ST8SIA6: variants seen among roughly 807,000 people sequenced by gnomAD.
ST8SIA6 encodes the protein alpha-2,8-sialyltransferase 8F.
A neutral mutation model predicts 33.6 loss-of-function variants in ST8SIA6; 39 were observed. That is an observed-to-expected ratio of 1.16 (90% confidence interval 0.90 to 1.52). The LOEUF is 1.52. ST8SIA6 is among the 40% of genes most tolerant of loss of function. The pLI, the probability that ST8SIA6 is intolerant of heterozygous loss-of-function variation, is 0.00. For missense variants in ST8SIA6, 441 were observed against 443.8 expected (o/e 0.99, Z 0.06); for synonymous variants, 172 against 167.2 (o/e 1.03, Z -0.22).
intron 2 of ST8SIA6, among the ~76,000 whole-genome samples, chr10:17,406,018 T>C (rs545622370): frequency 4.5e-4 from 68 of 152,288 alleles, no homozygotes; most frequent in African/African-American, 1.6e-3. Context: ...TAAAAACACT[T>C]AGCACAGTCA....
chr10:17,346,928 C>T (rs1008707581), intron 4 of ST8SIA6, among the ~76,000 whole-genome samples: 1 of 152,198 alleles, frequency 6.6e-6, no homozygotes, highest in Non-Finnish European at 1.5e-5. Flanking sequence ...ATTGCAAGGG[C>T]TAGCACATCT....
At chr10:17,423,325 T>A (rs770926038) in intron 2 of ST8SIA6, among the ~76,000 whole-genome samples, 6 of 152,104 alleles carry the variant, frequency 3.9e-5, no homozygotes, top group Non-Finnish European at 8.8e-5. Flanking sequence ...TCCCCCAGAG[T>A]TGGTTTCCTT....
chr10:17,321,154 C>T lies in ST8SIA6; in HGVS notation c.921G>A (p.Leu307=). 5.0e-6 allele frequency: 8 copies of T among 1,614,054 alleles called. No homozygotes were observed. Among genetic ancestry groups the T allele is most frequent in the Non-Finnish European group, 6.8e-6 (8 of 1,179,978 alleles). The change falls in exon 8 of 8, where the codon CTG becomes CTA. Residue 307 remains leucine, a synonymous_variant. Transcript: ENST00000377602. ...LFFHPKYLKD[L]ALFWRTKGVT... The stretch of plus-strand genomic sequence containing the variant: ...CACCTTTAGTTCTCCAGAAAAGGGC[C>T]AGATCTTTCAGGTACTTGGGATGGA...
At chr10:17,378,849 A>T (rs1419686594) in intron 3 of ST8SIA6, among the ~76,000 whole-genome samples, 6 of 152,174 alleles carry the variant, frequency 3.9e-5, no homozygotes, top group Admixed American at 6.5e-5. Context: ...CTTTTCAGCC[A>T]GGCACGGTGG....
chr10:17,382,163 CTG>C (rs1850172877), intron 3 of ST8SIA6, among the ~76,000 whole-genome samples: 2 of 152,018 alleles, frequency 1.3e-5, no homozygotes, highest in South Asian at 4.1e-4. Context: ...TGTAGACAAA[CTG>C]GTCATAATTT....
chr10:17,437,935 T>C (rs1348864534), intron 2 of ST8SIA6, among the ~76,000 whole-genome samples: 1 of 151,882 alleles, frequency 6.6e-6, no homozygotes, highest in East Asian at 1.9e-4. Flanking sequence ...TTCACCATAT[T>C]GGCCAGGCCG....
intron 3 of ST8SIA6, among the ~76,000 whole-genome samples, chr10:17,374,156 C>T (rs1051709947): frequency 1.3e-5 from 2 of 149,372 alleles, no homozygotes; most frequent in Non-Finnish European, 3.0e-5. Context: ...TAACAGATTG[C>T]GTGACTTTGA....
chr10:17,338,667 C>A (rs555741914), intron 4 of ST8SIA6, among the ~76,000 whole-genome samples: 11 of 152,302 alleles, frequency 7.2e-5, no homozygotes, highest in African/African-American at 1.9e-4. Flanking sequence ...TTGAGGCTCT[C>A]CTTTTACGTG....
intron 4 of ST8SIA6, among the ~76,000 whole-genome samples, chr10:17,357,858 C>A (rs1323081539): frequency 6.6e-6 from 1 of 152,204 alleles, no homozygotes; most frequent in Non-Finnish European, 1.5e-5. Context: ...TAGCTCACTA[C>A]CTGAATCTCT....
Position 17,320,586 on chromosome 10 carries a change from A to C in ST8SIA6, c.*292T>G, listed in dbSNP as rs564922796. ...GGAGATGGCTGGTATAAATAGTAAG[A>C]AAGAAATATTCTTTGAGTCCCTACC... On this transcript the variant is annotated 3_prime_UTR_variant, in exon 8 of 8. Transcript: ENST00000377602. The C allele has an allele frequency of 3.3e-4, 118 of 358,070 alleles. 1 individual carries two copies. In the South Asian group the frequency reaches 4.4e-3, roughly 13 times the overall value. The allele number at this position is 358,070 out of a possible 1,614,324, so 22.2% of individuals were successfully genotyped here. A position where few individuals can be genotyped will look rare whatever the true frequency, so the allele number is the denominator to read the frequency against.
rs141646355 is a variant in ST8SIA6, at chr10:17,447,949, G to A, written c.200+5610C>T. On this transcript the variant is annotated intron_variant, in intron 2 of 7. Transcript: ENST00000377602. The stretch of plus-strand genomic sequence containing the variant: ...TGAGTAGCTGGCATTACAGACACCC[G>A]CCACCACATCTGGCTAATTTTTGTA... 1.6e-4 allele frequency among the ~76,000 whole-genome samples: 25 copies of A among 152,094 alleles called. 1 individual carries two copies. In the East Asian group the frequency reaches 3.7e-3, roughly 22 times the overall value.
intron 3 of ST8SIA6, among the ~76,000 whole-genome samples, chr10:17,366,445 T>C (rs1221767827): frequency 6.8e-6 from 1 of 146,304 alleles, no homozygotes; most frequent in Admixed American, 6.8e-5. Context: ...CATCCTTTTC[T>C]TTTTTTTTTT....
chr10:17,445,312 G>C (rs1472926260), intron 2 of ST8SIA6, among the ~76,000 whole-genome samples: 2 of 152,086 alleles, frequency 1.3e-5, no homozygotes, highest in African/African-American at 4.8e-5. Context: ...CTTACGAACA[G>C]ACACAAGTCT....
At chr10:17,405,961 A>C (rs1008105517) in intron 2 of ST8SIA6, among the ~76,000 whole-genome samples, 3 of 152,086 alleles carry the variant, frequency 2.0e-5, no homozygotes, top group African/African-American at 7.2e-5. Context: ...AATGAGAATA[A>C]TCCTCTCTTT....
chr10:17,366,662 T>C (rs1274970749), intron 3 of ST8SIA6, among the ~76,000 whole-genome samples: 1 of 151,744 alleles, frequency 6.6e-6, no homozygotes. Context: ...CAGGGTAGAG[T>C]AAGAGAGCTG....
chr10:17,349,497 T>C (rs1401047735), intron 4 of ST8SIA6, among the ~76,000 whole-genome samples: 1 of 152,194 alleles, frequency 6.6e-6, no homozygotes, highest in Non-Finnish European at 1.5e-5. Context: ...ATTTGACATA[T>C]TGAATATTCA....
rs768617362 is a variant in ST8SIA6 at position 17,321,104 on chromosome 10, C to G, written c.971G>C (p.Gly324Ala). The G allele has an allele frequency of 1.2e-6, 2 of 1,614,104 alleles. No homozygotes were observed. Among genetic ancestry groups the G allele is most frequent in the Admixed American group, 1.7e-5 (1 of 59,996 alleles). ...KGVTAYRLST[G>A]LMITSVAVEL... Reference sequence around the variant, plus strand: ...CACTGCAACACTTGTGATCATCAAGCCGGTGGACAAGCGGTATGCAGTCAC... The same window carrying G: ...CACTGCAACACTTGTGATCATCAAGGCGGTGGACAAGCGGTATGCAGTCAC... The change falls in exon 8 of 8, where the codon GGC becomes GCC. Residue 324 changes from glycine (G) to alanine (A), a missense_variant. By Grantham distance (60) the Gly-to-Ala change is moderately conservative. Transcript: ENST00000377602.
At chr10:17,322,113 A>AGAGAGAGAGGAAGGAAGGAAGGAAGG (rs1847970395) in intron 7 of ST8SIA6, among the ~76,000 whole-genome samples, 1 of 150,810 alleles carries the variant, frequency 6.6e-6, no homozygotes, top group South Asian at 2.1e-4. Flanking sequence ...AGAGAGAGAG[A>AGAGAGAGAGGAAGGAAGGAAGGAAGG]GAGAGAGAGA....
At chr10:17,322,307 A>T (rs6602190) in intron 7 of ST8SIA6, among the ~76,000 whole-genome samples, 5,787 of 151,936 alleles carry the variant, frequency 0.038, 356 homozygotes, top group African/African-American at 0.13. Context: ...GGGAAAGAAG[A>T]TTTAAAATAT....
Sources: allele counts gnomAD v4.1 joint callset (sites outside exome capture counted in the v4.1 genomes callset), GRCh38; gene constraint gnomAD v4.1.1; transcripts MANE v1.5; gene names NCBI Gene and HGNC (gene_info 2026-07-23, HGNC 2026-07-21).